The following DIAPH2 variants were observed in gnomAD, a reference collection of about 807,000 sequenced individuals.
DIAPH2 encodes the protein protein diaphanous homolog 2.
DIAPH2 carries 35 observed loss-of-function variants against 92.7 expected under a neutral mutation model. That is an observed-to-expected ratio of 0.38 (90% CI 0.29 to 0.50). DIAPH2 has a LOEUF of 0.50. Among genes scored for constraint, DIAPH2 ranks in the 20% least tolerant of loss-of-function variants. The pLI, the probability that DIAPH2 is intolerant of heterozygous loss-of-function variation, is 0.94. For synonymous variants in DIAPH2, 301 were observed against 280.4 expected, an observed-to-expected ratio of 1.07 and a Z score of -0.73; for missense variants, 701 against 819.5, an observed-to-expected ratio of 0.86 and a Z score of 1.77.
chrX:96,782,388 G>A (rs1442256214), intron 4 of DIAPH2, among the ~76,000 whole-genome samples: 4 of 109,441 alleles, frequency 3.7e-5, no homozygotes, highest in East Asian at 2.9e-4. Flanking sequence ...CTCCGCCTCC[G>A]GGGTTCACGC....
chrX:96,738,674 G>C lies in DIAPH2; in HGVS notation c.254G>C (p.Ser85Thr), dbSNP rs2064101918. ...CCTATTGATTCTCAAGTCGCGATGA[G>C]TGAGTTTCCTGCAGCTCAGCCATTA... ...QHPIDSQVAM[S>T]EFPAAQPLYD... Residue 85 changes from serine (S) to threonine (T), a missense_variant, in exon 3 of 27, where the codon AGT becomes ACT. Ser to Thr is a moderately conservative substitution (Grantham distance 58, BLOSUM62 1). Transcript: ENST00000324765. The C allele has an allele frequency of 8.3e-7, 1 of 1,208,952 alleles. No homozygotes were observed. Among genetic ancestry groups the C allele is most frequent in the African/African-American group, 1.7e-5 (1 of 57,735 alleles).
At position 96,874,637 on chromosome X, in the gene DIAPH2, C is replaced by T. The variant is rs186809986; in HGVS notation, c.448-6942C>T. On this transcript the variant is annotated intron_variant, in intron 4 of 26. Transcript: ENST00000324765. ...AATGATGGTTTAGCCTTCAATTGTCCGTATCTCTGAGAGTATCTAGATCAA... is the reference window on the plus strand; with the variant it reads ...AATGATGGTTTAGCCTTCAATTGTCTGTATCTCTGAGAGTATCTAGATCAA... Among the ~76,000 whole-genome samples the T allele has an allele frequency of 6.8e-4, 76 of 111,571 alleles. No homozygotes were observed. In the Middle Eastern group the frequency reaches 0.018, roughly 27 times the overall value.
chrX:97,587,932 A>C (rs2071489628), intron 26 of DIAPH2, among the ~76,000 whole-genome samples: 1 of 112,098 alleles, frequency 8.9e-6, no homozygotes, highest in Non-Finnish European at 1.9e-5. Flanking sequence ...CATAGCTCTT[A>C]AGTGGCAGAA....
At chrX:96,959,098 G>A (rs2147818488) in intron 16 of DIAPH2, among the ~76,000 whole-genome samples, 1 of 111,220 alleles carries the variant, frequency 9.0e-6, no homozygotes, top group South Asian at 3.8e-4. Flanking sequence ...CCTTTCCTTT[G>A]TATAAATACT....
intron 19 of DIAPH2, among the ~76,000 whole-genome samples, chrX:97,097,320 A>G (rs1221971424): frequency 8.9e-6 from 1 of 112,038 alleles, no homozygotes; most frequent in African/African-American, 3.2e-5. Flanking sequence ...CATCTGCCGC[A>G]CATTTGAGAG....
At chrX:97,478,356 C>G (rs1317185877) in intron 26 of DIAPH2, among the ~76,000 whole-genome samples, 1 of 111,461 alleles carries the variant, frequency 9.0e-6, no homozygotes, top group African/African-American at 3.3e-5. Flanking sequence ...TCTACTATGT[C>G]TTTGAATCTC....
At chrX:97,563,065 C>G (rs1397361495) in intron 26 of DIAPH2, among the ~76,000 whole-genome samples, 1 of 111,897 alleles carries the variant, frequency 8.9e-6, no homozygotes, top group African/African-American at 3.2e-5. Context: ...ATAATAAGCC[C>G]TCATACAATT....
chrX:97,337,570 G>C (rs779303728), intron 23 of DIAPH2, among the ~76,000 whole-genome samples: 21 of 111,818 alleles, frequency 1.9e-4, no homozygotes, highest in African/African-American at 2.6e-4. Context: ...AGCCATGTGA[G>C]ACTGTGGGTC....
chrX:97,256,318 A>G (rs2068235927), intron 23 of DIAPH2, among the ~76,000 whole-genome samples: 1 of 112,433 alleles, frequency 8.9e-6, no homozygotes, highest in African/African-American at 3.2e-5. Context: ...ATAAGACTAT[A>G]AATTGGATAT....
intron 26 of DIAPH2, among the ~76,000 whole-genome samples, chrX:97,543,516 T>C (rs969156226): frequency 9.0e-6 from 1 of 110,980 alleles, no homozygotes; most frequent in African/African-American, 3.3e-5. Flanking sequence ...CTTTTTTCTT[T>C]TTTTGAGACA....
At chrX:97,111,801 C>A (rs1339149292) in intron 20 of DIAPH2, among the ~76,000 whole-genome samples, 1 of 111,795 alleles carries the variant, frequency 8.9e-6, no homozygotes, top group Non-Finnish European at 1.9e-5. Context: ...AGCCCAAAGG[C>A]CTGCATTCAA....
chrX:96,997,682 A>T (rs1335242081), intron 17 of DIAPH2, among the ~76,000 whole-genome samples: 2 of 111,520 alleles, frequency 1.8e-5, no homozygotes, highest in African/African-American at 3.3e-5. Flanking sequence ...TGAGTTTCAT[A>T]GGTCTTATGG....
At chrX:96,801,485 T>G (rs1034172395) in intron 4 of DIAPH2, among the ~76,000 whole-genome samples, 1 of 111,843 alleles carries the variant, frequency 8.9e-6, no homozygotes, top group African/African-American at 3.2e-5. Context: ...ATTAAGATTG[T>G]ATTTTAAAAA....
chrX:97,185,474 CAT>C (rs1180330581), intron 22 of DIAPH2, among the ~76,000 whole-genome samples: 279 of 10,441 alleles, frequency 0.027, 13 homozygotes, highest in East Asian at 0.042. Context: ...TATATATACA[CAT>C]ATATATATAT....
At chrX:97,463,401 TA>T (rs1475761491) in intron 26 of DIAPH2, among the ~76,000 whole-genome samples, 2 of 109,505 alleles carry the variant, frequency 1.8e-5, no homozygotes, top group African/African-American at 3.3e-5. Flanking sequence ...TTTTTATTAT[TA>T]TTTTTTTGAG....
chrX:97,139,938 GT>G (rs2067198846), intron 21 of DIAPH2, among the ~76,000 whole-genome samples: 1 of 110,118 alleles, frequency 9.1e-6, no homozygotes, highest in African/African-American at 3.3e-5. Context: ...AGCCATGTGC[GT>G]TTTATTGTAA....
chrX:96,980,986 C>A (rs1311179396), intron 17 of DIAPH2, among the ~76,000 whole-genome samples: 1 of 95,618 alleles, frequency 1.0e-5, no homozygotes, highest in African/African-American at 4.0e-5. Flanking sequence ...CATGGTGAAA[C>A]CCCATCTCTA....
chrX:97,051,462 G>T (rs1406141587), intron 17 of DIAPH2, among the ~76,000 whole-genome samples: 2 of 108,597 alleles, frequency 1.8e-5, no homozygotes, highest in Non-Finnish European at 3.8e-5. Context: ...TTTGTCAGGG[G>T]ATGACTACTT....
intron 26 of DIAPH2, among the ~76,000 whole-genome samples, chrX:97,463,962 A>G (rs901332178): frequency 9.0e-6 from 1 of 110,577 alleles, no homozygotes; most frequent in Non-Finnish European, 1.9e-5. Context: ...TTTTTTATTG[A>G]CAAACTAAAG....
Sources: allele counts gnomAD v4.1 joint callset (sites outside exome capture counted in the v4.1 genomes callset), GRCh38; gene constraint gnomAD v4.1.1; transcripts MANE v1.5; gene names NCBI Gene and HGNC (gene_info 2026-07-23, HGNC 2026-07-21).